Variants in PPP4R3B observed in about 807,000 individuals in gnomAD.
The protein encoded by PPP4R3B is serine/threonine-protein phosphatase 4 regulatory subunit 3B.
A neutral mutation model predicts 95.4 loss-of-function variants in PPP4R3B; 52 were observed. The observed-to-expected ratio is 0.54, with a 90% CI of 0.44 to 0.69. The LOEUF is 0.69. Among genes scored for constraint, PPP4R3B ranks in the 30% least tolerant of loss-of-function variants. The pLI is 0.00. For missense variants in PPP4R3B, 1,003 were observed against 1,005.9 expected (o/e 1.00, Z 0.04); for synonymous variants, 407 against 343.9 (o/e 1.18, Z -2.03).
At chr2:55,612,111 C>T (rs1368848921) in intron 2 of PPP4R3B, among the ~76,000 whole-genome samples, 1 of 152,014 alleles carries the variant, frequency 6.6e-6, no homozygotes, top group Non-Finnish European at 1.5e-5. Context: ...ATAAAAAACC[C>T]GCTAATGGAA....
intron 1 of PPP4R3B, 74 bp downstream of exon 1, chr2:55,617,070 G>A (rs2103963673): frequency 3.3e-6 from 5 of 1,494,898 alleles, no homozygotes; most frequent in East Asian, 2.3e-5. Flanking sequence ...ACGGTAACGG[G>A]CCCAGGGCCC....
Position 55,565,013 on chromosome 2 carries a change from A to G in PPP4R3B, c.1964T>C (p.Ile655Thr). The G allele has an allele frequency of 6.2e-7, 1 of 1,604,896 alleles. No homozygotes were observed. Among genetic ancestry groups the G allele is most frequent in the Non-Finnish European group, 8.5e-7 (1 of 1,175,684 alleles). ...AAGTGCTTTATAAAAGTTTTCAACT[A>G]TATGGGCAGTAAGAGACTTGATATC... ...VEDIKSLTAH[I>T]VENFYKALES... is the part of the protein sequence containing the mutation. The change falls in exon 14 of 17, where the codon ATA (isoleucine) becomes ACA (threonine). Residue 655 changes from isoleucine (I) to threonine (T), a missense_variant. By Grantham distance (89) the Ile-to-Thr change is moderately conservative. This residue lies in a region of PPP4R3B where 79 missense variants were observed against 124.9 expected (regional missense o/e 0.63). Coordinates refer to ENST00000616407, the MANE Select transcript of PPP4R3B (RefSeq NM_001122964.3).
intron 2 of PPP4R3B, among the ~76,000 whole-genome samples, chr2:55,611,707 T>C (rs956227495): frequency 2.6e-5 from 4 of 152,182 alleles, no homozygotes; most frequent in African/African-American, 9.7e-5. Context: ...AAGAAGAATG[T>C]TAAACATTCC....
At chr2:55,556,753 C>T (rs900686297) in intron 16 of PPP4R3B, among the ~76,000 whole-genome samples, 2 of 152,040 alleles carry the variant, frequency 1.3e-5, no homozygotes, top group Non-Finnish European at 2.9e-5. Flanking sequence ...AAAGTAGGTA[C>T]TACCTTACCC....
intron 5 of PPP4R3B, 31 bp downstream of exon 5, chr2:55,588,848 G>A: frequency 4.1e-6 from 6 of 1,451,328 alleles, no homozygotes; most frequent in Non-Finnish European, 5.7e-6. Context: ...AAGAATAAGT[G>A]CTCTTTAAGA....
chr2:55,558,339 A>G (rs764918362), intron 16 of PPP4R3B, among the ~76,000 whole-genome samples: 7 of 150,718 alleles, frequency 4.6e-5, no homozygotes, highest in Non-Finnish European at 7.4e-5. Context: ...ATTTATTATC[A>G]TAAGCCTAAA....
chr2:55,588,511 C>T (rs1197098591), intron 5 of PPP4R3B, among the ~76,000 whole-genome samples: 2 of 140,234 alleles, frequency 1.4e-5, no homozygotes, highest in Non-Finnish European at 3.1e-5. Flanking sequence ...GAAACTCCAT[C>T]TCAGAAAAAA....
In PPP4R3B at chr2:55,595,952, G is replaced by A. The variant is rs906175729; in HGVS notation, c.921+2464C>T. Among the ~76,000 whole-genome samples, 9 of 152,220 alleles carry A rather than the reference G, an allele frequency of 5.9e-5. 1 individual carries two copies. The highest frequency in any genetic ancestry group is 1.3e-4 in the Admixed American group (2 of 15,274). ...TGCAGAAAGCTGAGTATAGGCTACT[G>A]TTACAAGTAAGACAAGTACTTAAAA... On this transcript the variant is annotated intron_variant, in intron 4 of 16. Transcript: ENST00000616407.
intron 12 of PPP4R3B, among the ~76,000 whole-genome samples, chr2:55,569,372 G>T (rs1687698394): frequency 6.6e-6 from 1 of 152,148 alleles, no homozygotes; most frequent in Non-Finnish European, 1.5e-5. Flanking sequence ...CTCTTGTGAA[G>T]GGCCTGACAT....
chr2:55,562,439 A>T (rs767777015), intron 15 of PPP4R3B, among the ~76,000 whole-genome samples: 6 of 152,008 alleles, frequency 3.9e-5, no homozygotes, highest in Non-Finnish European at 8.8e-5. Context: ...CAAACAAACA[A>T]ACAAAAGTGC....
intron 1 of PPP4R3B, among the ~76,000 whole-genome samples, chr2:55,616,199 T>C (rs1192048881): frequency 1.3e-5 from 2 of 152,082 alleles, no homozygotes; most frequent in Non-Finnish European, 2.9e-5. Context: ...TAACAAATAA[T>C]GCAAATTACA....
At chr2:55,572,464 C>T (rs2104059415) in intron 12 of PPP4R3B, among the ~76,000 whole-genome samples, 1 of 152,142 alleles carries the variant, frequency 6.6e-6, no homozygotes, top group East Asian at 1.9e-4. Context: ...ATGCAAAGTA[C>T]ACTAATATAT....
intron 16 of PPP4R3B, among the ~76,000 whole-genome samples, chr2:55,551,362 A>C (rs1685221984): frequency 1.3e-5 from 2 of 151,924 alleles, no homozygotes; most frequent in Admixed American, 1.3e-4. Flanking sequence ...AACAAAAAAA[A>C]ACACAAAACC....
chr2:55,561,044 A>T (rs912530695), intron 15 of PPP4R3B, among the ~76,000 whole-genome samples: 2 of 152,144 alleles, frequency 1.3e-5, no homozygotes, highest in Non-Finnish European at 2.9e-5. Flanking sequence ...GAGGCCTAGG[A>T]GGGAAAAATG....
chr2:55,610,503 TACC>T (rs1694016100), intron 2 of PPP4R3B, among the ~76,000 whole-genome samples: 1 of 152,206 alleles, frequency 6.6e-6, no homozygotes, highest in East Asian at 1.9e-4. Flanking sequence ...TTCCTTCCAC[TACC>T]ACCACCAAGA....
At chr2:55,617,019 G>A (rs531757900) in intron 1 of PPP4R3B, 125 bp downstream of exon 1, 1 of 1,112,996 alleles carries the variant, frequency 9.0e-7, no homozygotes, top group South Asian at 1.7e-5. Flanking sequence ...CCGTACACAA[G>A]AGCCAGTTCA....
intron 16 of PPP4R3B, among the ~76,000 whole-genome samples, chr2:55,557,178 A>C (rs761145239): frequency 6.6e-6 from 1 of 152,218 alleles, no homozygotes; most frequent in Admixed American, 6.5e-5. Context: ...GTTTGAACCC[A>C]AACAATACAA....
At position 55,568,292 on chromosome 2, in the gene PPP4R3B, T is replaced by C; in HGVS notation, c.1837A>G (p.Asn613Asp). 3 of 1,611,158 alleles carry C rather than the reference T, an allele frequency of 1.9e-6. No individual in the cohort carries two copies. Among genetic ancestry groups the C allele is most frequent in the Non-Finnish European group, 2.5e-6 (3 of 1,178,574 alleles). The change falls in exon 13 of 17, where the codon AAT becomes GAT. Residue 613 changes from asparagine to aspartate, a missense_variant. By Grantham distance (23) the Asn-to-Asp change is conservative. Around this residue, in one of 3 missense-constraint regions of PPP4R3B, gnomAD observed 79 missense variants for 124.9 expected, o/e 0.63. Transcript: ENST00000616407. ...EFYNRYITKG[N>D]LFEPVINALL... ...GCATTTATAACTGGCTCAAAAAGAT[T>C]TCCCTTGGTGATGTAACGATTATAA...
Position 55,579,790 on chromosome 2 carries a change from T to C in PPP4R3B, c.1366-9A>G, listed in dbSNP as rs201111563. On this transcript the variant is annotated splice_polypyrimidine_tract_variant and intron_variant, in intron 8 of 16. Transcript: ENST00000616407. ...TCACTTTTTTCGGTTTTCTGAAACATAGAATTTTTTAAACAATACTGTTAC... is the reference window on the plus strand; with the variant it reads ...TCACTTTTTTCGGTTTTCTGAAACACAGAATTTTTTAAACAATACTGTTAC... 2.2e-5 allele frequency: 21 copies of C among 966,602 alleles called. No homozygotes were observed. The highest frequency in any genetic ancestry group is 1.4e-4 in the South Asian group (7 of 51,278). The allele number at this position is 966,602 out of a possible 1,614,324, so 59.9% of individuals were successfully genotyped here.
Sources: gnomAD v4.1 joint callset for allele counts (sites outside exome capture counted in the v4.1 genomes callset) on GRCh38, gnomAD v4.1.1 for gene constraint, gnomAD v4.1.1 regional missense constraint, MANE v1.5 for transcripts, NCBI Gene and HGNC (gene_info 2026-07-23, HGNC 2026-07-21) for gene names.